The following CTNNA2 variants were observed in gnomAD, a reference collection of about 807,000 sequenced individuals.
CTNNA2 encodes catenin alpha 2, also known as catenin alpha-2.
CTNNA2 carries 42 observed loss-of-function variants against 101.0 expected under a neutral mutation model. The ratio of observed to expected loss-of-function variants is 0.42; its 90% CI spans 0.32 to 0.54. CTNNA2 has a LOEUF of 0.54. CTNNA2 is among the 20% of genes least tolerant of loss of function. CTNNA2 has a pLI of 0.14. For missense variants in CTNNA2, 871 were observed against 1,223.1 expected (o/e 0.71, Z 4.29); for synonymous variants, 450 against 456.4 (o/e 0.99, Z 0.18).
chr2:80,620,656 C>T (rs963580403), intron 18 of CTNNA2, among the ~76,000 whole-genome samples: 5 of 151,840 alleles, frequency 3.3e-5, no homozygotes, highest in African/African-American at 1.2e-4. Flanking sequence ...TTGGTTTATC[C>T]CTCTTAAGTC....
At chr2:79,438,316 G>A (rs1299258329) in intron 4 of CTNNA2, among the ~76,000 whole-genome samples, 1 of 152,074 alleles carries the variant, frequency 6.6e-6, no homozygotes, top group African/African-American at 2.4e-5. Flanking sequence ...AACCGTGAGT[G>A]TTAGAAATGG....
chr2:79,814,530 A>G (rs1003273199), intron 3 of CTNNA2, among the ~76,000 whole-genome samples: 5 of 151,580 alleles, frequency 3.3e-5, no homozygotes, highest in African/African-American at 4.9e-5. Flanking sequence ...ATAGTCTCCA[A>G]TTTCTTCCAG....
chr2:79,547,730 G>T (rs1177726494), intron 1 of CTNNA2: 6 of 152,262 alleles, frequency 3.9e-5, no homozygotes, highest in African/African-American at 1.4e-4. Flanking sequence ...CACTGAGTTT[G>T]TCTCTGGTAT....
intron 4 of CTNNA2, among the ~76,000 whole-genome samples, chr2:79,455,217 A>C (rs1045974972): frequency 3.9e-5 from 6 of 152,354 alleles, no homozygotes; most frequent in African/African-American, 1.2e-4. Flanking sequence ...TATCCTCCAT[A>C]TGCATAGTCA....
At chr2:80,171,356 C>T (rs1208432073) in intron 7 of CTNNA2, among the ~76,000 whole-genome samples, 1 of 152,168 alleles carries the variant, frequency 6.6e-6, no homozygotes, top group Admixed American at 6.5e-5. Context: ...TGCTAAGTCC[C>T]GCCAATCTCA....
intron 7 of CTNNA2, among the ~76,000 whole-genome samples, chr2:80,234,568 A>G (rs1468008989): frequency 2.0e-5 from 3 of 152,210 alleles, no homozygotes; most frequent in Non-Finnish European, 2.9e-5. Flanking sequence ...GATGCTATCA[A>G]GAGTTTTTCG....
At chr2:79,618,578 A>T (rs1678793207) in intron 1 of CTNNA2, among the ~76,000 whole-genome samples, 1 of 152,166 alleles carries the variant, frequency 6.6e-6, no homozygotes, top group African/African-American at 2.4e-5. Flanking sequence ...TACATTCTGT[A>T]ACTTAAGTCC....
intron 7 of CTNNA2, among the ~76,000 whole-genome samples, chr2:79,948,309 A>T (rs369967988): frequency 1.3e-5 from 2 of 152,196 alleles, no homozygotes; most frequent in South Asian, 4.1e-4. Context: ...AATTCACCTA[A>T]ATCATGAAAT....
intron 1 of CTNNA2, among the ~76,000 whole-genome samples, chr2:79,627,283 A>C (rs530000312): frequency 7.9e-5 from 12 of 152,240 alleles, no homozygotes; most frequent in Admixed American, 7.8e-4. Flanking sequence ...CTATTTTGCT[A>C]TAAACCATAA....
At chr2:80,061,682 T>C (rs907640083) in intron 7 of CTNNA2, among the ~76,000 whole-genome samples, 3 of 152,228 alleles carry the variant, frequency 2.0e-5, no homozygotes, top group African/African-American at 7.2e-5. Context: ...TATGCATCTA[T>C]CATTACATTT....
intron 7 of CTNNA2, among the ~76,000 whole-genome samples, chr2:80,102,159 G>C (rs2148844069): frequency 6.6e-6 from 1 of 152,284 alleles, no homozygotes; most frequent in East Asian, 1.9e-4. Flanking sequence ...AGTATTTGTT[G>C]AATCATTGAA....
chr2:80,199,602 C>T (rs1272927507), intron 7 of CTNNA2, among the ~76,000 whole-genome samples: 2 of 152,168 alleles, frequency 1.3e-5, no homozygotes, highest in African/African-American at 2.4e-5. Flanking sequence ...AAGGGCAGTA[C>T]ATTTCAAAGG....
chr2:79,961,149 T>C (rs1208155728), intron 7 of CTNNA2, among the ~76,000 whole-genome samples: 1 of 152,228 alleles, frequency 6.6e-6, no homozygotes, highest in Admixed American at 6.5e-5. Flanking sequence ...ATATTTAAGA[T>C]AGTGAGCTTT....
intron 7 of CTNNA2, chr2:80,162,525 G>A (rs567657884): frequency 2.5e-6 from 4 of 1,603,342 alleles, no homozygotes; most frequent in Non-Finnish European, 2.6e-6. Context: ...CAGCCATCAT[G>A]ATTCCTATCT....
At chr2:80,319,599 G>T (rs1224845786) in intron 7 of CTNNA2, among the ~76,000 whole-genome samples, 1 of 152,146 alleles carries the variant, frequency 6.6e-6, no homozygotes, top group Admixed American at 6.5e-5. Context: ...GGCTGAAAAT[G>T]AAAAGCAATA....
intron 2 of CTNNA2, among the ~76,000 whole-genome samples, chr2:79,740,326 T>A (rs774498429): frequency 6.6e-6 from 1 of 152,208 alleles, no homozygotes; most frequent in Non-Finnish European, 1.5e-5. Flanking sequence ...GCAAAGGACA[T>A]GATCTTGTTC....
At chr2:79,576,293 A>C (rs528964746) in intron 1 of CTNNA2, among the ~76,000 whole-genome samples, 13 of 152,324 alleles carry the variant, frequency 8.5e-5, no homozygotes, top group African/African-American at 3.1e-4. Flanking sequence ...AGAATTTTAC[A>C]AAAAGAGTTA....
chr2:80,169,268 T>C (rs1310962498), intron 7 of CTNNA2, among the ~76,000 whole-genome samples: 1 of 152,074 alleles, frequency 6.6e-6, no homozygotes, highest in Non-Finnish European at 1.5e-5. Flanking sequence ...TGGATGTCCA[T>C]AGTCATGAGC....
chr2:80,536,674 C>T (rs1168692452), intron 9 of CTNNA2, among the ~76,000 whole-genome samples: 1 of 152,152 alleles, frequency 6.6e-6, no homozygotes. Context: ...GAGTTAAATG[C>T]CTAAATACTT....
Sources: allele counts gnomAD v4.1 joint callset (sites outside exome capture counted in the v4.1 genomes callset), GRCh38; gene constraint gnomAD v4.1.1; transcripts MANE v1.5; gene names NCBI Gene and HGNC (gene_info 2026-07-23, HGNC 2026-07-21).